The following ACOX3 variants were observed in gnomAD, a reference collection of about 807,000 sequenced individuals.
The protein encoded by ACOX3 is acyl-CoA oxidase 3, pristanoyl.
Under a neutral mutation model 81.5 loss-of-function variants are expected in ACOX3, and 73 were observed. That is an observed-to-expected ratio of 0.90 (90% confidence interval 0.74 to 1.09). The LOEUF is 1.09. ACOX3 is among the 50% of genes least tolerant of loss of function. The pLI, the probability that ACOX3 is intolerant of heterozygous loss-of-function variation, is 0.00. For synonymous variants in ACOX3, 387 were observed against 375.1 expected (o/e 1.03, Z -0.37); for missense variants, 947 against 928.0 (o/e 1.02, Z -0.27).
At chr4:8,379,356 G>A (rs1245596894) in intron 14 of ACOX3, among the ~76,000 whole-genome samples, 4 of 152,116 alleles carry the variant, frequency 2.6e-5, no homozygotes, top group East Asian at 3.9e-4. Context: ...TAAAAGCTCC[G>A]CGACCCGGGG....
intron 11 of ACOX3, among the ~76,000 whole-genome samples, chr4:8,390,714 A>T (rs1002374363): frequency 1.3e-5 from 2 of 152,200 alleles, no homozygotes; most frequent in Non-Finnish European, 2.9e-5. Flanking sequence ...GCCTAGCAGG[A>T]AGGGAGTGGA....
At chr4:8,360,223 G>A in the ACOX3 span, among the ~76,000 whole-genome samples, 1 of 152,218 alleles carries the variant, frequency 6.6e-6, no homozygotes, top group Non-Finnish European at 1.5e-5. Context: ...TGTATTATGT[G>A]TGTGATGTTT....
Position 8,366,875 on chromosome 4 carries a change from G to C in ACOX3, c.*86C>G. The C allele has an allele frequency of 6.5e-7, 1 of 1,545,286 alleles. No individual in the cohort carries two copies. The highest frequency in any genetic ancestry group is 8.8e-7 in the Non-Finnish European group (1 of 1,130,688). ...GGCTCAGAAAGCAGCAGCAATCTCC[G>C]GCGTGTTCTGGAATCAGAAGTTGAG... On this transcript the variant is annotated 3_prime_UTR_variant, in exon 18 of 18. Transcript: ENST00000356406.
In ACOX3 at chr4:8,370,528, GA is replaced by G. The variant is rs34645551; in HGVS notation, c.1983+379del. On this transcript the variant is annotated intron_variant, in intron 17 of 17. Coordinates refer to ENST00000356406, the MANE Select transcript of ACOX3 (RefSeq NM_003501.3). The surrounding 1 kb of genome is among the most constrained non-coding windows in gnomAD (Gnocchi z 6.3). ...TGGGGATTCCAGGACAGGGATGGGG[GA>G]AGAGGCCTGCAGGGCCAGGAGCATG... Among the ~76,000 whole-genome samples the G allele has an allele frequency of 0.082, 12,325 of 150,952 alleles. 949 individuals are homozygous for G. Among genetic ancestry groups the G allele is most frequent in the African/African-American group, 0.2 (8,089 of 40,818 alleles).
chr4:8,440,248 CG>C (rs1276090758), intron 1 of ACOX3, among the ~76,000 whole-genome samples: 1 of 152,236 alleles, frequency 6.6e-6, no homozygotes, highest in African/African-American at 2.4e-5. Flanking sequence ...GCAAGTCTGC[CG>C]ATGCTCCCGG....
In ACOX3 at chr4:8,416,656, G is replaced by A; in HGVS notation, c.-14-121C>T. Reference sequence around the variant, plus strand: ...GAAAAGTAAACTTGAAATCCAAAAGGATGGCAAAAGAGAATCACTCTGTGA... The same window carrying A: ...GAAAAGTAAACTTGAAATCCAAAAGAATGGCAAAAGAGAATCACTCTGTGA... On this transcript the variant is annotated intron_variant, in intron 1 of 17. Transcript: ENST00000356406. The surrounding 1 kb of genome is among the most constrained non-coding windows in gnomAD (Gnocchi z 4.2). 1.8e-6 allele frequency: 2 copies of A among 1,113,022 alleles called. No individual in the cohort carries two copies. Among genetic ancestry groups the A allele is most frequent in the East Asian group, 5.5e-5 (2 of 36,370 alleles). 68.9% of individuals were successfully genotyped at this position (1,113,022 alleles called of 1,614,324 possible).
chr4:8,368,086 G>C lies in ACOX3; in HGVS notation c.1984-1006C>G, dbSNP rs973207700. 2.6e-5 allele frequency among the ~76,000 whole-genome samples: 4 copies of C among 152,114 alleles called. No individual in the cohort carries two copies. Among genetic ancestry groups the C allele is most frequent in the Non-Finnish European group, 5.9e-5 (4 of 68,034 alleles). ...ATGCTGCAAGGCTGCATCGACTGCT[G>C]CTCTGAAATCTGCTCTCACACCCCA... On this transcript the variant is annotated intron_variant, in intron 17 of 17. Transcript: ENST00000356406. This position sits in a 1 kb window ranked among gnomAD's most constrained non-coding sequence, Gnocchi z 5.9.
At position 8,416,252 on chromosome 4, in the gene ACOX3, G is replaced by A. The variant is rs1226439658; in HGVS notation, c.144+126C>T. 4.0e-6 allele frequency: 6 copies of A among 1,498,650 alleles called. No individual in the cohort carries two copies. The highest frequency in any genetic ancestry group is 4.6e-6 in the Non-Finnish European group (5 of 1,084,512). 92.8% of individuals were successfully genotyped at this position (1,498,650 alleles called of 1,614,324 possible). ...GTCCTGGGGTGCAGAGAGGAGAGAG[G>A]CCGCGCTGCCTGGGATGAGCCTCGC... On this transcript the variant is annotated intron_variant, in intron 2 of 17. Coordinates refer to ENST00000356406, the MANE Select transcript of ACOX3 (RefSeq NM_003501.3). The surrounding 1 kb of genome is among the most constrained non-coding windows in gnomAD (Gnocchi z 4.2).
chr4:8,368,805 C>G lies in ACOX3; in HGVS notation c.1984-1725G>C, dbSNP rs961828549. Among the ~76,000 whole-genome samples, 4 of 151,828 alleles carry G rather than the reference C, an allele frequency of 2.6e-5. No individual in the cohort carries two copies. The highest frequency in any genetic ancestry group is 5.9e-5 in the Non-Finnish European group (4 of 67,956). ...GTGCAGTGGCGCGATCACTGCCCAC[C>G]ACAGCCTCGACCTCCCCAAGCTCAG... On this transcript the variant is annotated intron_variant, in intron 17 of 17. Coordinates refer to ENST00000356406, the MANE Select transcript of ACOX3 (RefSeq NM_003501.3). This position sits in a 1 kb window ranked among gnomAD's most constrained non-coding sequence, Gnocchi z 5.9.
rs1722305231 is a variant in ACOX3, at chr4:8,416,125, A to G, written c.145-126T>C. On this transcript the variant is annotated intron_variant, in intron 2 of 17. Coordinates refer to ENST00000356406, the MANE Select transcript of ACOX3 (RefSeq NM_003501.3). The surrounding 1 kb of genome is among the most constrained non-coding windows in gnomAD (Gnocchi z 4.2). The stretch of plus-strand genomic sequence containing the variant: ...CAGTCTGACCCGGAGACACCCAGAC[A>G]GAGATATGACTATCATTCCCAATGG... 3.8e-6 allele frequency: 4 copies of G among 1,049,324 alleles called. No individual in the cohort carries two copies. Among genetic ancestry groups the G allele is most frequent in the South Asian group, 1.5e-5 (1 of 65,790 alleles). The allele number at this position is 1,049,324 out of a possible 1,614,324, so 65.0% of individuals were successfully genotyped here. A position where few individuals can be genotyped will look rare whatever the true frequency, so the allele number is the denominator to read the frequency against.
At chr4:8,377,211 C>G (rs1430643484) in intron 14 of ACOX3, among the ~76,000 whole-genome samples, 2 of 152,200 alleles carry the variant, frequency 1.3e-5, no homozygotes, top group African/African-American at 2.4e-5. Flanking sequence ...GGCCCAGGCA[C>G]AGAGAGGCCG....
intron 1 of ACOX3, among the ~76,000 whole-genome samples, chr4:8,422,706 A>G (rs555312988): frequency 6.6e-6 from 1 of 152,368 alleles, no homozygotes; most frequent in East Asian, 1.9e-4. Context: ...CAAGGAGCCA[A>G]GGCTTGGAGA....
Position 8,416,539 on chromosome 4 carries a change from C to T in ACOX3, c.-14-4G>A, listed in dbSNP as rs769266463. 1.3e-6 allele frequency: 2 copies of T among 1,577,978 alleles called. No homozygotes were observed. Among genetic ancestry groups the T allele is most frequent in the Non-Finnish European group, 1.7e-6 (2 of 1,161,174 alleles). On this transcript the variant is annotated splice_polypyrimidine_tract_variant and splice_region_variant and intron_variant, in intron 1 of 17. Coordinates refer to ENST00000356406, the MANE Select transcript of ACOX3 (RefSeq NM_003501.3). This position sits in a 1 kb window ranked among gnomAD's most constrained non-coding sequence, Gnocchi z 4.2. ...GATGCCATCGCGTGATAAGAGCCTG[C>T]ACAAAACATGCAACCTGAATCCATG... is the stretch of plus-strand genomic sequence containing the variant.
chr4:8,363,087 T>C (rs1715267511), downstream of ACOX3, among the ~76,000 whole-genome samples: 2 of 152,254 alleles, frequency 1.3e-5, no homozygotes, highest in Non-Finnish European at 2.9e-5. Context: ...CTAACCCTGC[T>C]TATTCCTGTG....
At chr4:8,359,659 C>T in the ACOX3 span, among the ~76,000 whole-genome samples, 225 of 152,202 alleles carry the variant, frequency 1.5e-3, no homozygotes, top group Non-Finnish European at 1.7e-3. The surrounding 1 kb of genome is among the most constrained non-coding windows in gnomAD (Gnocchi z 6.0). Context: ...TGGGAGCTGA[C>T]GGGACTGCTG....
chr4:8,419,504 C>T lies in ACOX3; in HGVS notation c.-14-2969G>A, dbSNP rs1037655609. On this transcript the variant is annotated intron_variant, in intron 1 of 17. Transcript: ENST00000356406. The surrounding 1 kb of genome is among the most constrained non-coding windows in gnomAD (Gnocchi z 4.2). ...AAGTATTGAGAGGATGTGGAGAAAT[C>T]AGACTCTCATGCCCTTCCAGTGAAA... is the stretch of plus-strand genomic sequence containing the variant. Among the ~76,000 whole-genome samples the T allele has an allele frequency of 6.6e-6, 1 of 151,956 alleles. No homozygotes were observed. The highest frequency in any genetic ancestry group is 1.5e-5 in the Non-Finnish European group (1 of 67,964).
downstream of ACOX3, among the ~76,000 whole-genome samples, chr4:8,362,168 T>C (rs1715243398): frequency 1.3e-5 from 2 of 152,312 alleles, no homozygotes; most frequent in South Asian, 2.1e-4. Flanking sequence ...ACTTTGGAAA[T>C]TGTGATATTA....
chr4:8,418,517 T>TA (rs1158757498), intron 1 of ACOX3, among the ~76,000 whole-genome samples: 10 of 145,266 alleles, frequency 6.9e-5, no homozygotes, highest in Non-Finnish European at 1.2e-4. Context: ...AAAAACCAAT[T>TA]AAAAAATGGG....
chr4:8,427,967 C>T (rs897060467), intron 1 of ACOX3, among the ~76,000 whole-genome samples: 7 of 152,202 alleles, frequency 4.6e-5, no homozygotes, highest in Middle Eastern at 3.2e-3. Context: ...TGCCTAGTGC[C>T]CAGGGTCTAC....
Sources: allele counts gnomAD v4.1 joint callset (sites outside exome capture counted in the v4.1 genomes callset), GRCh38; gene constraint gnomAD v4.1.1; non-coding constraint Gnocchi (gnomAD v3.1); transcripts MANE v1.5; gene names NCBI Gene and HGNC (gene_info 2026-07-23, HGNC 2026-07-21).